RABGAP1L: variants seen among roughly 807,000 people sequenced by gnomAD.
RABGAP1L encodes the protein rab GTPase-activating protein 1-like.
In RABGAP1L, 63 loss-of-function variants were observed where a neutral mutation model predicts 137.7. That is an observed-to-expected ratio of 0.46 (90% CI 0.37 to 0.56). The LOEUF (loss-of-function observed/expected upper bound fraction) is 0.56. Ranked by LOEUF, RABGAP1L falls within the 20% of genes least tolerant of loss-of-function variation. The probability of loss-of-function intolerance (pLI) is 0.00; values close to 1 mark genes in which losing one functional copy is unlikely to be tolerated. For synonymous variants in RABGAP1L, 431 were observed against 433.7 expected (o/e 0.99, Z 0.08); for missense variants, 1,095 against 1,244.0 (o/e 0.88, Z 1.80).
rs1225391503 is a variant in RABGAP1L, at chr1:174,534,796, A to T, written c.1711-102579A>T. On this transcript the variant is annotated intron_variant, in intron 13 of 25. Coordinates refer to ENST00000681986, the MANE Select transcript of RABGAP1L (RefSeq NM_001366446.1). ...TCTCCAAAAAAAAAAAAAAAAAAAA[A>T]AAAAAAAATAATTAGAATAGTATGC... Among the ~76,000 whole-genome samples the T allele has an allele frequency of 1.1e-3, 172 of 150,546 alleles. 1 individual carries two copies. The highest frequency in any genetic ancestry group is 3.9e-3 in the African/African-American group (158 of 41,012).
chr1:174,642,436 G>A (rs1376774933), intron 14 of RABGAP1L, among the ~76,000 whole-genome samples: 1 of 152,140 alleles, frequency 6.6e-6, no homozygotes. Flanking sequence ...CTCTTAAAAT[G>A]ACATGTAATC....
intron 11 of RABGAP1L, among the ~76,000 whole-genome samples, chr1:174,307,231 T>C (rs12564848): frequency 0.09 from 13,641 of 152,278 alleles, 833 homozygotes; most frequent in East Asian, 0.22. Flanking sequence ...CTTGTAACTA[T>C]GACATTATTC....
chr1:174,256,579 G>A (rs566508635), intron 7 of RABGAP1L, among the ~76,000 whole-genome samples: 5 of 152,188 alleles, frequency 3.3e-5, no homozygotes, highest in South Asian at 2.1e-4. Context: ...TCAAGAGATC[G>A]AGACCATCCT....
At chr1:174,614,765 C>A (rs1191899646) in intron 13 of RABGAP1L, among the ~76,000 whole-genome samples, 1 of 152,160 alleles carries the variant, frequency 6.6e-6, no homozygotes, top group South Asian at 2.1e-4. Flanking sequence ...TTCTTGGAGG[C>A]TTTGCTCATT....
At chr1:174,505,313 A>G (rs1661717514) in intron 13 of RABGAP1L, among the ~76,000 whole-genome samples, 1 of 152,142 alleles carries the variant, frequency 6.6e-6, no homozygotes, top group East Asian at 1.9e-4. Context: ...AGACAGTGTC[A>G]GGTTTTATTT....
chr1:174,410,534 T>C (rs943878098), intron 13 of RABGAP1L, among the ~76,000 whole-genome samples: 1 of 152,178 alleles, frequency 6.6e-6, no homozygotes, highest in African/African-American at 2.4e-5. Context: ...TTGTTGACTT[T>C]GTTGAGGATC....
intron 13 of RABGAP1L, among the ~76,000 whole-genome samples, chr1:174,604,828 TTAA>T (rs1670660768): frequency 1.3e-5 from 2 of 152,196 alleles, no homozygotes. Context: ...AGGTGGATGC[TTAA>T]TAATGTTTCA....
chr1:174,546,003 T>C (rs2147959413), intron 13 of RABGAP1L: 1 of 152,314 alleles, frequency 6.6e-6, no homozygotes, highest in Admixed American at 6.5e-5. Flanking sequence ...GTAGAAAGGT[T>C]CTGTCATAAA....
intron 13 of RABGAP1L, among the ~76,000 whole-genome samples, chr1:174,550,931 T>G (rs1374009527): frequency 1.2e-5 from 1 of 85,522 alleles, no homozygotes; most frequent in Non-Finnish European, 2.2e-5. Context: ...CATATATATA[T>G]ACACATATAT....
chr1:174,423,897 T>C (rs531542628), intron 13 of RABGAP1L, among the ~76,000 whole-genome samples: 13 of 152,270 alleles, frequency 8.5e-5, no homozygotes, highest in Admixed American at 3.3e-4. Flanking sequence ...GGAACCAAAC[T>C]TTCTCTGTTT....
chr1:174,938,333 A>G (rs1028202590), intron 19 of RABGAP1L: 6 of 152,194 alleles, frequency 3.9e-5, no homozygotes. Context: ...GTTTCTTGTA[A>G]TAAAATATAA....
At chr1:174,441,123 A>G (rs182037363) in intron 13 of RABGAP1L, among the ~76,000 whole-genome samples, 2 of 151,458 alleles carry the variant, frequency 1.3e-5, no homozygotes, top group African/African-American at 4.8e-5. Flanking sequence ...GTGATGTATC[A>G]TGTAATAAAG....
intron 7 of RABGAP1L, among the ~76,000 whole-genome samples, chr1:174,254,783 T>C (rs1358843834): frequency 6.6e-6 from 1 of 152,230 alleles, no homozygotes; most frequent in Non-Finnish European, 1.5e-5. Flanking sequence ...TTGTGAATAG[T>C]GCTGCAGTAA....
At chr1:174,618,104 C>A (rs907559352) in intron 13 of RABGAP1L, among the ~76,000 whole-genome samples, 1 of 152,140 alleles carries the variant, frequency 6.6e-6, no homozygotes, top group Non-Finnish European at 1.5e-5. Context: ...GAGGGGCGCC[C>A]GCCATTGCTG....
chr1:174,881,091 G>A (rs1464441023), intron 19 of RABGAP1L, among the ~76,000 whole-genome samples: 4 of 152,064 alleles, frequency 2.6e-5, no homozygotes, highest in South Asian at 2.1e-4. Flanking sequence ...GTGTATGGAC[G>A]CAGGCACATA....
chr1:174,305,699 T>A (rs990635700), intron 11 of RABGAP1L, among the ~76,000 whole-genome samples: 7 of 152,016 alleles, frequency 4.6e-5, no homozygotes, highest in African/African-American at 1.7e-4. Flanking sequence ...ATTAATTTTT[T>A]AAATTTTTTA....
intron 7 of RABGAP1L, among the ~76,000 whole-genome samples, chr1:174,259,208 T>G (rs1260036508): frequency 6.6e-6 from 1 of 152,220 alleles, no homozygotes; most frequent in Non-Finnish European, 1.5e-5. Context: ...GTTGTCTGTC[T>G]TGACCCTTTT....
At chr1:174,328,356 A>T (rs554945799) in intron 11 of RABGAP1L, among the ~76,000 whole-genome samples, 4 of 152,058 alleles carry the variant, frequency 2.6e-5, no homozygotes, top group Non-Finnish European at 5.9e-5. Context: ...GTTTTTTCTG[A>T]CTGTAATAGA....
At chr1:174,341,985 T>C (rs10489255) in intron 11 of RABGAP1L, among the ~76,000 whole-genome samples, 31,738 of 151,976 alleles carry the variant, frequency 0.21, 3,655 homozygotes, top group Admixed American at 0.25. Flanking sequence ...AATGTTACAG[T>C]TTTTCATAGA....
Sources: gnomAD v4.1 joint callset for allele counts (sites outside exome capture counted in the v4.1 genomes callset) on GRCh38, gnomAD v4.1.1 for gene constraint, MANE v1.5 for transcripts, NCBI Gene and HGNC (gene_info 2026-07-23, HGNC 2026-07-21) for gene names.